The following FCHO2 variants were observed in gnomAD, a reference collection of about 807,000 sequenced individuals.
FCHO2 encodes the protein F-BAR domain only protein 2.
FCHO2 carries 43 observed loss-of-function variants against 114.1 expected under a neutral mutation model. The observed-to-expected ratio is 0.38, with a 90% CI of 0.30 to 0.49. FCHO2 has a LOEUF of 0.49. Among genes scored for constraint, FCHO2 ranks in the 20% least tolerant of loss-of-function variants. The pLI is 0.97. For synonymous variants in FCHO2, 293 were observed against 315.2 expected (o/e 0.93, Z 0.75); for missense variants, 807 against 950.4 (o/e 0.85, Z 1.98).
rs1345090697 is a variant in FCHO2 at position 73,074,648 on chromosome 5, C to T, written c.1580-94C>T. 8 of 1,107,010 alleles carry T rather than the reference C, an allele frequency of 7.2e-6. No homozygotes were observed. In the East Asian group the frequency reaches 1.0e-4, roughly 14 times the overall value. The allele number at this position is 1,107,010 out of a possible 1,614,324, so 68.6% of individuals were successfully genotyped here. ...ACATCACTGAAACCAGTGGTAGGGTCGTTTGTGACAGCCTAACAATGTGAA... is the reference window on the plus strand; with the variant it reads ...ACATCACTGAAACCAGTGGTAGGGTTGTTTGTGACAGCCTAACAATGTGAA... On this transcript the variant is annotated intron_variant, in intron 19 of 25. Transcript: ENST00000430046.
At chr5:73,052,534 T>G in intron 13 of FCHO2, 27 bp downstream of exon 13, 1 of 1,522,676 alleles carries the variant, frequency 6.6e-7, no homozygotes, top group East Asian at 2.4e-5. Flanking sequence ...TTGTACTCTT[T>G]ATATAAAAGT....
intron 16 of FCHO2, among the ~76,000 whole-genome samples, chr5:73,057,927 C>T (rs372299335): frequency 1.2e-4 from 19 of 152,110 alleles, no homozygotes; most frequent in Non-Finnish European, 2.5e-4. Context: ...TCTTAGGTTA[C>T]GCTTCTAACA....
intron 8 of FCHO2, chr5:73,021,042 AT>A: frequency 9.0e-7 from 1 of 1,108,872 alleles, no homozygotes; most frequent in Non-Finnish European, 1.4e-6. Context: ...ACATGAATCC[AT>A]GGAAGTTTAC....
At chr5:73,004,792 G>A (rs898133439) in intron 5 of FCHO2, among the ~76,000 whole-genome samples, 6 of 152,168 alleles carry the variant, frequency 3.9e-5, no homozygotes, top group Admixed American at 1.3e-4. Context: ...GAGAGAGACC[G>A]TATTCACATA....
chr5:73,046,773 C>T (rs763549211), intron 11 of FCHO2, among the ~76,000 whole-genome samples: 10 of 152,060 alleles, frequency 6.6e-5, no homozygotes, highest in Non-Finnish European at 1.3e-4. Context: ...TCTTTTTATC[C>T]GTGGAATCTG....
At chr5:73,072,059 C>G (rs1742683669) in intron 19 of FCHO2, among the ~76,000 whole-genome samples, 1 of 151,128 alleles carries the variant, frequency 6.6e-6, no homozygotes, top group South Asian at 2.1e-4. Flanking sequence ...GACAGGGTCT[C>G]ACTCCATTGT....
intron 1 of FCHO2, 31 bp downstream of exon 1, chr5:72,956,160 T>G (rs530832399): frequency 6.5e-7 from 1 of 1,531,794 alleles, no homozygotes; most frequent in Non-Finnish European, 8.8e-7. Flanking sequence ...GTCGTGTGTT[T>G]CGAAGTCCAA....
intron 17 of FCHO2, among the ~76,000 whole-genome samples, chr5:73,059,590 C>T (rs1757756689): frequency 6.6e-6 from 1 of 151,840 alleles, no homozygotes. Flanking sequence ...AAAATTAGAC[C>T]GTTTAGCAAC....
At chr5:73,074,906 G>A (rs1370732840) in intron 20 of FCHO2, 53 bp downstream of exon 20, 5 of 1,400,442 alleles carry the variant, frequency 3.6e-6, no homozygotes, top group Non-Finnish European at 4.9e-6. Flanking sequence ...TTGGGTGGAG[G>A]AGGTGGTGGG....
chr5:73,024,951 T>C (rs1164882373), intron 8 of FCHO2, among the ~76,000 whole-genome samples: 1 of 152,184 alleles, frequency 6.6e-6, no homozygotes, highest in Non-Finnish European at 1.5e-5. Context: ...TACGAAGTCA[T>C]GTAGAAAATA....
At chr5:72,997,566 C>T in intron 5 of FCHO2, 8 of 1,323,222 alleles carry the variant, frequency 6.0e-6, no homozygotes, top group South Asian at 3.5e-5. Flanking sequence ...AACCTGCTCC[C>T]GATGCTGGAT....
chr5:72,972,407 G>T (rs1423717954), intron 2 of FCHO2, among the ~76,000 whole-genome samples: 2 of 152,032 alleles, frequency 1.3e-5, no homozygotes, highest in African/African-American at 4.8e-5. Flanking sequence ...TCCTTGAAGA[G>T]GTCCTTCCCA....
intron 5 of FCHO2, among the ~76,000 whole-genome samples, chr5:73,003,690 A>T (rs1754565259): frequency 6.6e-6 from 1 of 152,158 alleles, no homozygotes; most frequent in Admixed American, 6.5e-5. Flanking sequence ...AGGTATTAGG[A>T]ACAAGCAAAG....
chr5:72,989,012 T>C (rs112413313), intron 2 of FCHO2, among the ~76,000 whole-genome samples: 4,503 of 152,216 alleles, frequency 0.03, 220 homozygotes, highest in African/African-American at 0.098. Context: ...AATTCCAGAT[T>C]AGCCTGGGCA....
chr5:73,054,602 A>C, intron 15 of FCHO2, 53 bp downstream of exon 15: 1 of 1,314,852 alleles, frequency 7.6e-7, no homozygotes, highest in Non-Finnish European at 1.1e-6. Flanking sequence ...TTTATAAGGC[A>C]ATTTGTTAGT....
intron 2 of FCHO2, among the ~76,000 whole-genome samples, chr5:72,977,806 A>G (rs561746507): frequency 6.6e-6 from 1 of 152,304 alleles, no homozygotes; most frequent in East Asian, 1.9e-4. Context: ...ATAAGGTGTA[A>G]GGAAGGGGTC....
At chr5:73,020,048 A>G (rs1169252776) in intron 8 of FCHO2, among the ~76,000 whole-genome samples, 1 of 152,174 alleles carries the variant, frequency 6.6e-6, no homozygotes, top group Non-Finnish European at 1.5e-5. Flanking sequence ...TACTTCTCAG[A>G]GAAGTGTTGG....
intron 21 of FCHO2, among the ~76,000 whole-genome samples, chr5:73,077,800 A>C (rs1469614385): frequency 1.3e-5 from 2 of 152,166 alleles, no homozygotes; most frequent in Non-Finnish European, 2.9e-5. Context: ...CAGTGAGCCA[A>C]GATCGTGTCA....
Position 73,027,440 on chromosome 5 carries a change from G to T in FCHO2, c.797-7217G>T, listed in dbSNP as rs1195066354. Among the ~76,000 whole-genome samples, 4 of 150,520 alleles carry T rather than the reference G, an allele frequency of 2.7e-5. No homozygotes were observed. The East Asian group carries it at 5.8e-4, about 22-fold the overall frequency. On this transcript the variant is annotated intron_variant, in intron 8 of 25. Coordinates refer to ENST00000430046, the MANE Select transcript of FCHO2 (RefSeq NM_138782.3). ...ATGAAGTGCAGTTTACCAAATTTTG[G>T]TTTTTTATGTGTTATGCTTTTGTGT...
Sources: gnomAD v4.1 joint callset for allele counts (sites outside exome capture counted in the v4.1 genomes callset) on GRCh38, gnomAD v4.1.1 for gene constraint, MANE v1.5 for transcripts, NCBI Gene and HGNC (gene_info 2026-07-23, HGNC 2026-07-21) for gene names.